LRRFIP2: variants seen among roughly 807,000 people sequenced by gnomAD.
The protein encoded by LRRFIP2 is LRR binding FLII interacting protein 2.
A neutral mutation model predicts 125.9 loss-of-function variants in LRRFIP2; 109 were observed. The observed-to-expected ratio is 0.87, with a 90% CI of 0.74 to 1.01. The LOEUF is 1.01. Among genes scored for constraint, LRRFIP2 ranks in the 50% least tolerant of loss-of-function variants. The pLI is 0.00. For synonymous variants in LRRFIP2, 291 were observed against 293.1 expected, an observed-to-expected ratio of 0.99 and a Z score of 0.07; for missense variants, 850 against 862.3, an observed-to-expected ratio of 0.99 and a Z score of 0.18.
chr3:37,053,778 G>T lies in LRRFIP2; in HGVS notation c.*73C>A. The T allele has an allele frequency of 2.2e-6, 2 of 925,348 alleles. No individual in the cohort carries two copies. The highest frequency in any genetic ancestry group is 3.6e-6 in the Non-Finnish European group (2 of 557,642). 57.3% of individuals were successfully genotyped at this position (925,348 alleles called of 1,614,324 possible). On this transcript the variant is annotated 3_prime_UTR_variant, in exon 28 of 28. Coordinates refer to ENST00000336686, the MANE Select transcript of LRRFIP2 (RefSeq NM_006309.4). ...CTCAAAACAGTACTAAAAGGGGTTT[G>T]TGTCAATGGACAAAAGTCAGTCCCT...
At chr3:37,067,664 T>C (rs2090406889) in intron 21 of LRRFIP2, 1 of 152,228 alleles carries the variant, frequency 6.6e-6, no homozygotes, top group Non-Finnish European at 1.5e-5. Context: ...ACGATTTGTA[T>C]AGCACAAATT....
intron 17 of LRRFIP2, among the ~76,000 whole-genome samples, chr3:37,092,899 C>A (rs1358538376): frequency 6.6e-6 from 1 of 152,070 alleles, no homozygotes; most frequent in African/African-American, 2.4e-5. Flanking sequence ...AGTGCAGAGG[C>A]ACGATCTCGG....
Position 37,109,699 on chromosome 3 carries a change from G to A in LRRFIP2, c.518C>T (p.Ser173Phe). The part of the protein sequence containing the change: ...KPTSAYYTRQ[S>F]SSLYSDPLAT... Reference sequence around the variant, plus strand: ...CAGAGGGTCACTGTACAGGGAAGAAGACTGCTAAGAGACAAAAACAAAATA... The same window carrying A: ...CAGAGGGTCACTGTACAGGGAAGAAAACTGCTAAGAGACAAAAACAAAATA... The change falls in exon 10 of 28, where the codon TCT (serine) becomes TTT (phenylalanine). Residue 173 changes from serine (S) to phenylalanine (F), a missense_variant. Ser to Phe is a radical substitution (Grantham distance 155, BLOSUM62 -2). Coordinates refer to ENST00000336686, the MANE Select transcript of LRRFIP2 (RefSeq NM_006309.4). 6.2e-7 allele frequency: 1 copy of A among 1,613,886 alleles called. No homozygotes were observed. The highest frequency in any genetic ancestry group is 8.5e-7 in the Non-Finnish European group (1 of 1,179,836).
At chr3:37,170,415 A>C (rs921982867) in intron 1 of LRRFIP2, 5 of 152,244 alleles carry the variant, frequency 3.3e-5, no homozygotes, top group African/African-American at 9.6e-5. Context: ...TAAACAAATC[A>C]AGGTTTTCAT....
intron 9 of LRRFIP2, 88 bp from the exon 10 acceptor site, chr3:37,109,791 T>C (rs187739245): frequency 6.2e-6 from 7 of 1,136,240 alleles, no homozygotes; most frequent in South Asian, 1.3e-5. Flanking sequence ...CTTAAGTTTA[T>C]GATTTTATAC....
At chr3:37,070,582 A>G (rs147580503) in intron 21 of LRRFIP2, among the ~76,000 whole-genome samples, 1,660 of 151,996 alleles carry the variant, frequency 0.011, 37 homozygotes, top group African/African-American at 0.037. Context: ...CTAAAAATAC[A>G]AAAATTAGCC....
chr3:37,125,594 A>G (rs1317699770), intron 4 of LRRFIP2, among the ~76,000 whole-genome samples: 2 of 152,224 alleles, frequency 1.3e-5, no homozygotes, highest in African/African-American at 4.8e-5. Context: ...TGAAATAAAA[A>G]CCTATGTAAA....
In LRRFIP2 at chr3:37,129,000, A is replaced by T. The variant is rs369410534; in HGVS notation, c.177+63T>A. 3.5e-6 allele frequency: 5 copies of T among 1,416,808 alleles called. No individual in the cohort carries two copies. The African/African-American group carries it at 5.6e-5, about 16-fold the overall frequency. The allele number at this position is 1,416,808 out of a possible 1,614,324, so 87.8% of individuals were successfully genotyped here. ...AGGAAACCAGATTCACATCAGAATAAACTAGCCAAGTACTGATTTTGGGGG... is the reference window on the plus strand; with the variant it reads ...AGGAAACCAGATTCACATCAGAATATACTAGCCAAGTACTGATTTTGGGGG... On this transcript the variant is annotated intron_variant, in intron 3 of 27. Transcript: ENST00000336686.
chr3:37,109,730 G>A (rs1219545067), intron 9 of LRRFIP2, 27 bp from the exon 10 acceptor site: 1 of 1,606,906 alleles, frequency 6.2e-7, no homozygotes, highest in South Asian at 1.1e-5. Flanking sequence ...AAATAAATAA[G>A]CAAAAACAAA....
chr3:37,133,413 A>G (rs996629462), intron 2 of LRRFIP2, among the ~76,000 whole-genome samples: 2 of 152,208 alleles, frequency 1.3e-5, no homozygotes, highest in African/African-American at 4.8e-5. Context: ...ATATCTATCA[A>G]TGGACGAATG....
Position 37,060,752 on chromosome 3 carries a change from C to G in LRRFIP2, c.1750-1842G>C, listed in dbSNP as rs2088391651. On this transcript the variant is annotated intron_variant, in intron 24 of 27. Coordinates refer to ENST00000336686, the MANE Select transcript of LRRFIP2 (RefSeq NM_006309.4). This position sits in a 1 kb window ranked among gnomAD's most constrained non-coding sequence, Gnocchi z 4.1. ...CTCTTCAAATTATATACACTAACTA[C>G]TTATCATTGCCAAAATCCCATTCCT... 6.6e-6 allele frequency among the ~76,000 whole-genome samples: 1 copy of G among 152,162 alleles called. No homozygotes were observed. The highest frequency in any genetic ancestry group is 1.5e-5 in the Non-Finnish European group (1 of 68,040).
chr3:37,105,567 T>C, intron 13 of LRRFIP2, 44 bp from the exon 14 acceptor site: 1 of 1,466,634 alleles, frequency 6.8e-7, no homozygotes, highest in Non-Finnish European at 9.6e-7. Context: ...GCAATTTTGC[T>C]ATGGTGTTAC....
intron 11 of LRRFIP2, 33 bp downstream of exon 11, chr3:37,109,494 G>A: frequency 6.2e-7 from 1 of 1,609,912 alleles, no homozygotes; most frequent in Non-Finnish European, 8.5e-7. Flanking sequence ...GACCCCACCA[G>A]CACTGCACAC....
upstream of LRRFIP2, chr3:37,175,163 C>T (rs960963738): frequency 6.6e-6 from 1 of 152,054 alleles, no homozygotes; most frequent in Non-Finnish European, 1.5e-5. Flanking sequence ...ACATCCATAC[C>T]CCGCTCTCCT....
At chr3:37,167,970 T>C (rs1488743284) in intron 1 of LRRFIP2, among the ~76,000 whole-genome samples, 1 of 152,168 alleles carries the variant, frequency 6.6e-6, no homozygotes, top group Non-Finnish European at 1.5e-5. Context: ...AGTGAGACCC[T>C]GGCTCAACAT....
chr3:37,162,176 A>AC (rs1426078946), intron 1 of LRRFIP2, among the ~76,000 whole-genome samples: 3 of 149,634 alleles, frequency 2.0e-5, no homozygotes, highest in Non-Finnish European at 3.0e-5. Context: ...AAAAAAAAAA[A>AC]AGAAGAGAGA....
chr3:37,060,311 TTTTGTTTG>T lies in LRRFIP2; in HGVS notation c.1750-1409_1750-1402del, dbSNP rs111780909. Among the ~76,000 whole-genome samples the T allele has an allele frequency of 4.0e-3, 613 of 152,194 alleles. 3 individuals carry two copies. The highest frequency in any genetic ancestry group is 0.013 in the African/African-American group (556 of 41,548). ...ACTGTTTTTGTTTTGTTTTGTTTTG[TTTTGTTTG>T]TTTGTTTGAGACAGGGTCTCGCTCT... On this transcript the variant is annotated intron_variant, in intron 24 of 27. Transcript: ENST00000336686. The surrounding 1 kb of genome is among the most constrained non-coding windows in gnomAD (Gnocchi z 4.1).
At chr3:37,095,817 T>A (rs901525551) in intron 16 of LRRFIP2, among the ~76,000 whole-genome samples, 2 of 152,018 alleles carry the variant, frequency 1.3e-5, no homozygotes, top group African/African-American at 4.8e-5. Context: ...AATATTTTTT[T>A]TGCATTTTTA....
rs1397212516 is a variant in LRRFIP2, at chr3:37,142,423, A to T, written c.90+6471T>A. On this transcript the variant is annotated intron_variant, in intron 2 of 27. Transcript: ENST00000336686. Reference sequence around the variant, plus strand: ...TCTGGTCCCAAAGTGCTAGAATTACAAGCGTGAGCTACCATGCTCGGCCAA... The same window carrying T: ...TCTGGTCCCAAAGTGCTAGAATTACTAGCGTGAGCTACCATGCTCGGCCAA... Among the ~76,000 whole-genome samples, 7 of 152,284 alleles carry T rather than the reference A, an allele frequency of 4.6e-5. No individual in the cohort carries two copies. The East Asian group carries it at 7.7e-4, about 17-fold the overall frequency.
Sources: gnomAD v4.1 joint callset for allele counts (sites outside exome capture counted in the v4.1 genomes callset) on GRCh38, gnomAD v4.1.1 for gene constraint, Gnocchi (gnomAD v3.1) non-coding constraint, MANE v1.5 for transcripts, NCBI Gene and HGNC (gene_info 2026-07-23, HGNC 2026-07-21) for gene names.